NBEA: variants seen among roughly 807,000 people sequenced by gnomAD.
The protein encoded by NBEA is neurobeachin.
NBEA carries 44 observed loss-of-function variants against 343.4 expected under a neutral mutation model. The observed-to-expected ratio is 0.13, with a 90% confidence interval of 0.10 to 0.16. NBEA has a LOEUF of 0.16. Among genes scored for constraint, NBEA ranks in the 10% least tolerant of loss-of-function variants. NBEA has a pLI of 1.00. For missense variants in NBEA, 2,555 were observed against 3,631.3 expected (o/e 0.70, Z 7.62); for synonymous variants, 1,175 against 1,238.7 (o/e 0.95, Z 1.08).
chr13:35,231,390 A>G (rs1435629725), intron 33 of NBEA, among the ~76,000 whole-genome samples: 1 of 151,844 alleles, frequency 6.6e-6, no homozygotes, highest in African/African-American at 2.4e-5. Flanking sequence ...CCTTTTTTTC[A>G]TTTATAAATT....
At chr13:35,268,593 G>A (rs377287744) in intron 34 of NBEA, among the ~76,000 whole-genome samples, 7 of 151,772 alleles carry the variant, frequency 4.6e-5, no homozygotes, top group East Asian at 1.9e-4. Context: ...ACACAAACAC[G>A]CCAACAACAA....
rs755673359 is a variant in NBEA at position 35,159,436 on chromosome 13, C to A, written c.3265C>A (p.Leu1089Ile). Residue 1089 changes from leucine (L) to isoleucine (I), a missense_variant, in exon 22 of 59, where the codon CTT (leucine) becomes ATT (isoleucine). Leu to Ile is a conservative substitution (Grantham distance 5). Coordinates refer to ENST00000379939, the MANE Select transcript of NBEA (RefSeq NM_001385012.1). ...ETLVGGENGA[L>I]VEVESLLDNV... ...TTTAGTAGGTGGAGAGAATGGTGCC[C>A]TTGTGGAGGTTGAATCTCTGTTGGA... 1 of 1,613,144 alleles carries A rather than the reference C, an allele frequency of 6.2e-7. No individual in the cohort carries two copies.
At chr13:35,638,097 C>T (rs928974351) in intron 49 of NBEA, among the ~76,000 whole-genome samples, 2 of 152,072 alleles carry the variant, frequency 1.3e-5, no homozygotes, top group African/African-American at 2.4e-5. Context: ...GGAATAGTGA[C>T]CCCCAGGGAC....
At chr13:35,451,256 T>C (rs1177844857) in intron 39 of NBEA, among the ~76,000 whole-genome samples, 1 of 152,132 alleles carries the variant, frequency 6.6e-6, no homozygotes, top group Admixed American at 6.5e-5. Context: ...CCCGGGTAGC[T>C]GGGACCACAG....
intron 38 of NBEA, among the ~76,000 whole-genome samples, chr13:35,427,931 G>C (rs1341291718): frequency 6.6e-6 from 1 of 152,206 alleles, no homozygotes; most frequent in Non-Finnish European, 1.5e-5. Context: ...GACCCTCTGA[G>C]CCATGTGCGG....
intron 1 of NBEA, among the ~76,000 whole-genome samples, chr13:35,032,987 G>T (rs1011610001): frequency 1.3e-4 from 20 of 151,790 alleles, no homozygotes; most frequent in African/African-American, 3.9e-4. Flanking sequence ...TTCTTTTGCT[G>T]CACAGAAGCT....
At chr13:35,396,772 A>T (rs1177895074) in intron 38 of NBEA, among the ~76,000 whole-genome samples, 1 of 152,156 alleles carries the variant, frequency 6.6e-6, no homozygotes, top group Non-Finnish European at 1.5e-5. Context: ...TCTGTTAGAG[A>T]TTCAATTTAT....
chr13:35,080,914 A>AT (rs1161645698), intron 10 of NBEA, among the ~76,000 whole-genome samples: 2 of 152,154 alleles, frequency 1.3e-5, no homozygotes, highest in Admixed American at 1.3e-4. Context: ...AGGACCAGGT[A>AT]TGATCCCTTC....
chr13:35,374,801 A>G (rs2041648831), intron 38 of NBEA, among the ~76,000 whole-genome samples: 1 of 152,138 alleles, frequency 6.6e-6, no homozygotes, highest in Non-Finnish European at 1.5e-5. Context: ...GTTTAAAAGT[A>G]TCTTTACTGT....
At position 35,218,041 on chromosome 13, in the gene NBEA, A is replaced by G. The variant is rs79732684; in HGVS notation, c.5648+6862A>G. On this transcript the variant is annotated intron_variant, in intron 33 of 58. Coordinates refer to ENST00000379939, the MANE Select transcript of NBEA (RefSeq NM_001385012.1). ...CTACAGTCTCAGTCGTGTCAACTCA[A>G]AAACATTGCAGGACTCAGTATTTGC... 5.4e-3 allele frequency among the ~76,000 whole-genome samples: 818 copies of G among 152,130 alleles called. 19 individuals carry two copies. Among genetic ancestry groups the G allele is most frequent in the Admixed American group, 0.044 (666 of 15,236 alleles).
chr13:34,985,626 T>G (rs187302850), intron 1 of NBEA, among the ~76,000 whole-genome samples: 1 of 150,936 alleles, frequency 6.6e-6, no homozygotes, highest in Non-Finnish European at 1.5e-5. Context: ...ACCAGCTCCT[T>G]TTTGTACCTC....
intron 36 of NBEA, among the ~76,000 whole-genome samples, chr13:35,313,970 C>A (rs527930892): frequency 6.6e-6 from 1 of 151,828 alleles, no homozygotes; most frequent in Non-Finnish European, 1.5e-5. Flanking sequence ...ACCTATTTTT[C>A]AATTTTGATG....
At chr13:34,945,078 A>G (rs1009037521) in intron 1 of NBEA, among the ~76,000 whole-genome samples, 4 of 152,186 alleles carry the variant, frequency 2.6e-5, no homozygotes, top group African/African-American at 9.6e-5. Flanking sequence ...GTTATTTTAG[A>G]GAACTTTACC....
At chr13:35,098,950 TA>T (rs1247690337) in intron 11 of NBEA, among the ~76,000 whole-genome samples, 1 of 151,858 alleles carries the variant, frequency 6.6e-6, no homozygotes, top group Non-Finnish European at 1.5e-5. Flanking sequence ...TATTATCCAC[TA>T]GGGGTCTTGG....
At chr13:35,154,854 G>C (rs971903598) in intron 18 of NBEA, among the ~76,000 whole-genome samples, 1 of 152,042 alleles carries the variant, frequency 6.6e-6, no homozygotes, top group Non-Finnish European at 1.5e-5. Context: ...GGCCAGATGT[G>C]GTGGCTCATG....
chr13:35,473,013 A>C (rs1369226819), intron 41 of NBEA, among the ~76,000 whole-genome samples: 1 of 152,234 alleles, frequency 6.6e-6, no homozygotes, highest in Non-Finnish European at 1.5e-5. Flanking sequence ...TCCTGAAATA[A>C]GAATGGGTTT....
chr13:35,226,318 C>T (rs1343056337), intron 33 of NBEA, among the ~76,000 whole-genome samples: 1 of 152,084 alleles, frequency 6.6e-6, no homozygotes, highest in Non-Finnish European at 1.5e-5. Flanking sequence ...TTGGGTGAAG[C>T]AGCTCCCTTC....
chr13:35,186,785 T>TGTGTAATGAAGAAAAGTTACAA (rs1213595568), intron 30 of NBEA: 1 of 152,156 alleles, frequency 6.6e-6, no homozygotes, highest in African/African-American at 2.4e-5. Flanking sequence ...TTAGTTATGT[T>TGTGTAATGAAGAAAAGTTACAA]GTGTAATGAA....
chr13:35,574,186 C>T (rs74044738), intron 45 of NBEA, among the ~76,000 whole-genome samples: 4,226 of 151,326 alleles, frequency 0.028, 206 homozygotes, highest in African/African-American at 0.096. Flanking sequence ...CATGGATTTT[C>T]TTGCTTTACC....
Sources: allele counts gnomAD v4.1 joint callset (sites outside exome capture counted in the v4.1 genomes callset), GRCh38; gene constraint gnomAD v4.1.1; transcripts MANE v1.5; gene names NCBI Gene and HGNC (gene_info 2026-07-23, HGNC 2026-07-21).